The following TMEM87A variants were observed in gnomAD, a reference collection of about 807,000 sequenced individuals.
The protein encoded by TMEM87A is transmembrane protein 87A.
In TMEM87A, 50 loss-of-function variants were observed where a neutral mutation model predicts 90.0. The ratio of observed to expected loss-of-function variants is 0.56; its 90% CI spans 0.44 to 0.70. The LOEUF (loss-of-function observed/expected upper bound fraction) is 0.70, where lower values mean the gene tolerates loss of function less well. Ranked by LOEUF, TMEM87A falls within the 30% of genes least tolerant of loss-of-function variation. The probability of loss-of-function intolerance (pLI) is 0.00; values close to 1 mark genes in which losing one functional copy is unlikely to be tolerated. For synonymous variants in TMEM87A, 226 were observed against 226.7 expected (o/e 1.00, Z 0.03); for missense variants, 577 against 660.5 (o/e 0.87, Z 1.39).
chr15:42,264,019 G>C (rs1282151294), intron 4 of TMEM87A, 71 bp downstream of exon 4: 3 of 1,222,440 alleles, frequency 2.5e-6, no homozygotes, highest in Non-Finnish European at 3.6e-6. Context: ...GTCGGAAGTG[G>C]ATACAGCCAA....
intron 17 of TMEM87A, 133 bp from the exon 18 acceptor site, chr15:42,218,511 A>T: frequency 2.7e-6 from 2 of 750,478 alleles, no homozygotes; most frequent in South Asian, 5.2e-5. Flanking sequence ...GCTGACAGAA[A>T]AGTCAAATAT....
At position 42,228,827 on chromosome 15, in the gene TMEM87A, G is replaced by C. The variant is rs141069875; in HGVS notation, c.1132-7C>G. The C allele has an allele frequency of 6.4e-7, 1 of 1,552,450 alleles. No individual in the cohort carries two copies. The highest frequency in any genetic ancestry group is 8.7e-7 in the Non-Finnish European group (1 of 1,152,402). Reference sequence around the variant, plus strand: ...GAGTCAGGCTAATAAATATGTGTTTGCAGGTCAAGGAATTCAACATTCAGG... The same window carrying C: ...GAGTCAGGCTAATAAATATGTGTTTCCAGGTCAAGGAATTCAACATTCAGG... On this transcript the variant is annotated splice_polypyrimidine_tract_variant and splice_region_variant and intron_variant, in intron 12 of 19. Coordinates refer to ENST00000389834, the MANE Select transcript of TMEM87A (RefSeq NM_015497.5).
At chr15:42,225,973 A>G (rs1595713020) in intron 15 of TMEM87A, among the ~76,000 whole-genome samples, 1 of 151,872 alleles carries the variant, frequency 6.6e-6, no homozygotes, top group East Asian at 1.9e-4. Context: ...TATTGGTGCC[A>G]TTTTCCAACA....
chr15:42,222,105 G>C (rs1053294122), intron 15 of TMEM87A, among the ~76,000 whole-genome samples: 1 of 152,066 alleles, frequency 6.6e-6, no homozygotes, highest in Non-Finnish European at 1.5e-5. Flanking sequence ...TCGTTGTCCA[G>C]ACTGGAGTGC....
At position 42,218,364 on chromosome 15, in the gene TMEM87A, C is replaced by T. The variant is rs773108173; in HGVS notation, c.1554G>A (p.Leu518=). 6.2e-7 allele frequency: 1 copy of T among 1,613,790 alleles called. No homozygotes were observed. The highest frequency in any genetic ancestry group is 8.5e-7 in the Non-Finnish European group (1 of 1,179,808). Residue 518 remains leucine, a synonymous_variant, in exon 18 of 20, where the codon TTG becomes TTA. Transcript: ENST00000389834. ...SKVNKAQEDD[L]KWVEENVPSS... ...AAGGAACATTCTCTTCTACCCACTT[C>T]AAATCATCTTCCTGCTGGGAACATA...
intron 6 of TMEM87A, among the ~76,000 whole-genome samples, chr15:42,254,224 CA>C (rs2051136580): frequency 6.6e-6 from 1 of 152,140 alleles, no homozygotes; most frequent in Non-Finnish European, 1.5e-5. Flanking sequence ...TTGATGCTGT[CA>C]GACAGACAGC....
intron 6 of TMEM87A, chr15:42,258,922 T>G (rs1449567908): frequency 5.6e-6 from 7 of 1,249,528 alleles, no homozygotes; most frequent in Admixed American, 2.0e-5. Context: ...AATCAACTTT[T>G]GGAACTTTGG....
intron 4 of TMEM87A, chr15:42,262,189 C>T (rs569660584): frequency 6.6e-6 from 1 of 152,282 alleles, no homozygotes; most frequent in Admixed American, 6.5e-5. Context: ...CAACCAGATG[C>T]ATCAGGTAGC....
At chr15:42,244,604 G>T (rs1595730391) in intron 6 of TMEM87A, among the ~76,000 whole-genome samples, 2 of 151,134 alleles carry the variant, frequency 1.3e-5, no homozygotes, top group South Asian at 4.2e-4. Context: ...TAATCCCTTT[G>T]TTCAACATGC....
intron 19 of TMEM87A, among the ~76,000 whole-genome samples, chr15:42,213,877 TA>T (rs1422154444): frequency 2.0e-5 from 3 of 151,886 alleles, no homozygotes; most frequent in African/African-American, 7.3e-5. Flanking sequence ...AGGAAGAAGA[TA>T]AATCTCTGGA....
chr15:42,215,957 T>G (rs2140909784), intron 19 of TMEM87A, among the ~76,000 whole-genome samples: 1 of 152,340 alleles, frequency 6.6e-6, no homozygotes. Flanking sequence ...GCAACATTAT[T>G]CACAACAGCC....
At chr15:42,226,990 A>T in intron 14 of TMEM87A, 81 bp from the exon 15 acceptor site, 6 of 1,347,892 alleles carry the variant, frequency 4.5e-6, no homozygotes, top group Non-Finnish European at 6.3e-6. Flanking sequence ...TAGAACAAAA[A>T]TCACTTATTT....
intron 6 of TMEM87A, among the ~76,000 whole-genome samples, chr15:42,257,625 T>A (rs1257322647): frequency 6.6e-6 from 1 of 152,204 alleles, no homozygotes; most frequent in African/African-American, 2.4e-5. Context: ...TGTGCATACA[T>A]GTGGATCTAG....
chr15:42,220,409 A>G (rs533349562), intron 15 of TMEM87A, among the ~76,000 whole-genome samples: 150 of 152,316 alleles, frequency 9.8e-4, no homozygotes, highest in Non-Finnish European at 1.7e-3. Flanking sequence ...AGTTTCCTCA[A>G]CTGTAAATAA....
At chr15:42,255,775 G>GTT (rs762972516) in intron 6 of TMEM87A, among the ~76,000 whole-genome samples, 3 of 139,514 alleles carry the variant, frequency 2.2e-5, no homozygotes, top group Admixed American at 7.1e-5. Flanking sequence ...ATAGATTTTT[G>GTT]TTTTTTTTTT....
intron 3 of TMEM87A, among the ~76,000 whole-genome samples, chr15:42,265,079 G>A (rs536834825): frequency 6.6e-6 from 1 of 151,938 alleles, no homozygotes; most frequent in Non-Finnish European, 1.5e-5. Flanking sequence ...TTTTATGGCC[G>A]CATATGTACC....
chr15:42,243,210 G>A (rs994476029), intron 7 of TMEM87A, among the ~76,000 whole-genome samples: 5 of 151,934 alleles, frequency 3.3e-5, no homozygotes, highest in Non-Finnish European at 7.4e-5. Context: ...GGAGCTTGCA[G>A]TGAGCCGAGA....
chr15:42,270,366 T>C (rs1384353477), intron 2 of TMEM87A, among the ~76,000 whole-genome samples: 7 of 151,788 alleles, frequency 4.6e-5, no homozygotes, highest in Non-Finnish European at 1.0e-4. Flanking sequence ...CAAAACTCCG[T>C]CTCAAAAAAC....
At chr15:42,270,600 A>C (rs1245510849) in intron 2 of TMEM87A, among the ~76,000 whole-genome samples, 1 of 152,196 alleles carries the variant, frequency 6.6e-6, no homozygotes, top group Non-Finnish European at 1.5e-5. Flanking sequence ...CATCTTAAAA[A>C]AAATGCAGTT....
Sources: gnomAD v4.1 joint callset for allele counts (sites outside exome capture counted in the v4.1 genomes callset) on GRCh38, gnomAD v4.1.1 for gene constraint, MANE v1.5 for transcripts, NCBI Gene and HGNC (gene_info 2026-07-23, HGNC 2026-07-21) for gene names.